Variants in TAB2 observed in about 807,000 individuals in gnomAD.
The protein encoded by TAB2 is TGF-beta-activated kinase 1 and MAP3K7-binding protein 2.
TAB2 carries 3 observed loss-of-function variants against 65.0 expected under a neutral mutation model. The ratio of observed to expected loss-of-function variants is 0.05; its 90% confidence interval spans 0.02 to 0.12. TAB2 has a LOEUF of 0.12. TAB2 is among the 10% of genes least tolerant of loss of function. The pLI is 1.00. For missense variants in TAB2, 623 were observed against 840.3 expected, an observed-to-expected ratio of 0.74 and a Z score of 3.20; for synonymous variants, 298 against 285.1, an observed-to-expected ratio of 1.05 and a Z score of -0.46.
At chr6:149,284,934 C>T (rs926847316) in intron 1 of TAB2, among the ~76,000 whole-genome samples, 1 of 152,190 alleles carries the variant, frequency 6.6e-6, no homozygotes, top group African/African-American at 2.4e-5. Context: ...CTAATGCCCA[C>T]AGAGCCAGCA....
At chr6:149,273,161 G>A (rs1052457690) in intron 1 of TAB2, among the ~76,000 whole-genome samples, 9 of 152,102 alleles carry the variant, frequency 5.9e-5, no homozygotes, top group Non-Finnish European at 1.2e-4. Flanking sequence ...CAAGATACTG[G>A]ACAGCCCCTC....
chr6:149,333,679 A>G (rs1779847708), intron 1 of TAB2, among the ~76,000 whole-genome samples: 1 of 151,070 alleles, frequency 6.6e-6, no homozygotes, highest in Non-Finnish European at 1.5e-5. Context: ...TATTTTTAAA[A>G]CCATATATTC....
At chr6:149,374,377 C>A in intron 2 of TAB2, among the ~76,000 whole-genome samples, 1 of 152,124 alleles carries the variant, frequency 6.6e-6, no homozygotes, top group East Asian at 1.9e-4. Flanking sequence ...CCTACTCTAC[C>A]TGGCTAATTA....
chr6:149,218,874 A>G, intron 1 of TAB2: 1 of 435,850 alleles, frequency 2.3e-6, no homozygotes. Context: ...TGGGAAATGC[A>G]CACTGTGAGT....
Position 149,369,977 on chromosome 6 carries a change from T to C in TAB2, c.-21T>C. 6.3e-7 allele frequency: 1 copy of C among 1,599,104 alleles called. No homozygotes were observed. The highest frequency in any genetic ancestry group is 8.6e-7 in the Non-Finnish European group (1 of 1,166,314). ...CTAGAATTGCCTACTGTACAAATAG[T>C]CCTGATCAGGCAATATACGAATGGC... On this transcript the variant is annotated 5_prime_UTR_variant, in exon 2 of 7. Coordinates refer to ENST00000637181, the MANE Select transcript of TAB2 (RefSeq NM_001292034.3).
chr6:149,290,088 T>C (rs1216457651), intron 1 of TAB2, among the ~76,000 whole-genome samples: 1 of 152,204 alleles, frequency 6.6e-6, no homozygotes, highest in Non-Finnish European at 1.5e-5. Flanking sequence ...ATGTTTCTTA[T>C]TAGACTTAAA....
rs569415288 is a variant in TAB2, at chr6:149,302,670, T to C, written c.-120-75348T>C. 2.0e-5 allele frequency among the ~76,000 whole-genome samples: 3 copies of C among 152,358 alleles called. No individual in the cohort carries two copies. In the East Asian group the frequency reaches 5.8e-4, roughly 29 times the overall value. The stretch of plus-strand genomic sequence containing the variant: ...TACTCCTCAAGGTCTTGCTGAACTT[T>C]CTCTGCACTACATGGCAGTCTAGGA... On this transcript the variant is annotated intron_variant, in intron 1 of 1. Coordinates refer to the TAB2 transcript ENST00000606202.
intron 1 of TAB2, among the ~76,000 whole-genome samples, chr6:149,327,630 C>A (rs1010161999): frequency 7.2e-5 from 11 of 152,172 alleles, no homozygotes; most frequent in African/African-American, 2.7e-4. Flanking sequence ...GGATCCGTGT[C>A]AAATAAAAGT....
intron 1 of TAB2, among the ~76,000 whole-genome samples, chr6:149,253,704 G>A (rs372145163): frequency 1.0e-4 from 15 of 150,624 alleles, no homozygotes; most frequent in African/African-American, 2.4e-4. Flanking sequence ...GGGGCGGATC[G>A]CAAAGTCAAG....
At chr6:149,360,349 T>A (rs1780801765) in intron 1 of TAB2, among the ~76,000 whole-genome samples, 1 of 152,214 alleles carries the variant, frequency 6.6e-6, no homozygotes, top group Non-Finnish European at 1.5e-5. Context: ...GCTCACCTTT[T>A]GGTGGGGCTT....
chr6:149,351,244 C>T (rs1002401992), intron 1 of TAB2, among the ~76,000 whole-genome samples: 44 of 152,158 alleles, frequency 2.9e-4, no homozygotes, highest in African/African-American at 9.7e-4. Flanking sequence ...ATTTCCCCAA[C>T]TGCAAGTTTT....
At chr6:149,337,899 T>G (rs1044975161) in intron 1 of TAB2, among the ~76,000 whole-genome samples, 2 of 151,882 alleles carry the variant, frequency 1.3e-5, no homozygotes, top group Non-Finnish European at 2.9e-5. Context: ...CAGGAGATAT[T>G]GGAAAGAAAA....
At chr6:149,343,520 CAT>C (rs971423393) in intron 1 of TAB2, among the ~76,000 whole-genome samples, 4 of 151,426 alleles carry the variant, frequency 2.6e-5, no homozygotes, top group African/African-American at 4.8e-5. Flanking sequence ...GGAAATTAGA[CAT>C]ATTATTTCTG....
intron 1 of TAB2, among the ~76,000 whole-genome samples, chr6:149,286,657 A>G (rs777479085): frequency 2.0e-5 from 3 of 152,240 alleles, no homozygotes; most frequent in Non-Finnish European, 2.9e-5. Context: ...TGCATTATCT[A>G]TAATAACAAA....
chr6:149,266,049 A>G (rs1418190971), intron 1 of TAB2, among the ~76,000 whole-genome samples: 1 of 152,248 alleles, frequency 6.6e-6, no homozygotes, highest in Non-Finnish European at 1.5e-5. Flanking sequence ...AAATAATGTT[A>G]TGCCCTCAAA....
chr6:149,389,636 A>C lies in TAB2; in HGVS notation c.1604-7968A>C, dbSNP rs558275007. Among the ~76,000 whole-genome samples the C allele has an allele frequency of 9.7e-5, 13 of 134,514 alleles. No individual in the cohort carries two copies. The South Asian group carries it at 3.1e-3, about 33-fold the overall frequency. The allele number at this position is 134,514 out of a possible 152,430, so 88.2% of individuals were successfully genotyped here. A position where few individuals can be genotyped will look rare whatever the true frequency, so the allele number is the denominator to read the frequency against. ...CTCCAGCCTGGGCAACAAGAGTAAA[A>C]CTCTGTGTCAAAAAAAAAAAAAAAA... is the stretch of plus-strand genomic sequence containing the variant. On this transcript the variant is annotated intron_variant, in intron 3 of 6. Coordinates refer to ENST00000637181, the MANE Select transcript of TAB2 (RefSeq NM_001292034.3).
intron 1 of TAB2, among the ~76,000 whole-genome samples, chr6:149,238,412 C>T (rs1358022312): frequency 6.6e-6 from 1 of 152,158 alleles, no homozygotes; most frequent in Non-Finnish European, 1.5e-5. Context: ...GCTTGAGCTT[C>T]TCTGGGGTTC....
chr6:149,259,384 C>A (rs1198046428), intron 1 of TAB2, among the ~76,000 whole-genome samples: 2 of 149,998 alleles, frequency 1.3e-5, no homozygotes, highest in Non-Finnish European at 3.0e-5. Context: ...TACACACAAT[C>A]TGGGAGAGGG....
intron 1 of TAB2, among the ~76,000 whole-genome samples, chr6:149,362,730 G>A (rs1780892966): frequency 6.6e-6 from 1 of 152,164 alleles, no homozygotes. Flanking sequence ...GGGGAAACTA[G>A]TCAAGAGCAG....
Sources: gnomAD v4.1 joint callset for allele counts (sites outside exome capture counted in the v4.1 genomes callset) on GRCh38, gnomAD v4.1.1 for gene constraint, MANE v1.5 for transcripts, NCBI Gene and HGNC (gene_info 2026-07-23, HGNC 2026-07-21) for gene names.